The following CDKN2D variants were observed in gnomAD, a reference collection of about 807,000 sequenced individuals.
The protein encoded by CDKN2D is cyclin dependent kinase inhibitor 2D, also known as cyclin-dependent kinase 4 inhibitor D.
Under a neutral mutation model 4.7 loss-of-function variants are expected in CDKN2D, and 3 were observed. The ratio of observed to expected loss-of-function variants is 0.64; its 90% confidence interval spans 0.29 to 1.66. The LOEUF (loss-of-function observed/expected upper bound fraction) is 1.66, where lower values mean the gene tolerates loss of function less well. Among genes scored for constraint, CDKN2D ranks in the 40% most tolerant of loss-of-function variants. The pLI, the probability that CDKN2D is intolerant of heterozygous loss-of-function variation, is 0.10. For synonymous variants in CDKN2D, 91 were observed against 102.3 expected (o/e 0.89, Z 0.67); for missense variants, 196 against 230.9 (o/e 0.85, Z 0.98).
In CDKN2D at chr19:10,567,105, G is replaced by A. The variant is rs1416308054; in HGVS notation, c.454C>T (p.Gln152Ter). ...CCCTGCAGGATGTCCACGAGGTCCTGAGCCCCTCTCTGCAGTGCCAGCTCC... is the reference window on the plus strand; with the variant it reads ...CCCTGCAGGATGTCCACGAGGTCCTAAGCCCCTCTCTGCAGTGCCAGCTCC... Reference protein sequence around the residue: ...PLELALQRGAQDLVDILQGHM... With the variant: ...PLELALQRGA The change falls in exon 2 of 2, where the codon CAG becomes TAG. Residue 152 changes from glutamine to a stop codon, truncating the protein, a stop_gained. Transcript: ENST00000393599. LOFTEE classifies it high-confidence loss of function. The A allele has an allele frequency of 1.2e-6, 2 of 1,613,684 alleles. No homozygotes were observed. Among genetic ancestry groups the A allele is most frequent in the South Asian group, 2.2e-5 (2 of 91,076 alleles).
chr19:10,567,346 G>A lies in CDKN2D; in HGVS notation c.213C>T (p.Asp71=), dbSNP rs752482134. 6.2e-7 allele frequency: 1 copy of A among 1,614,166 alleles called. No individual in the cohort carries two copies. The highest frequency in any genetic ancestry group is 8.5e-7 in the Non-Finnish European group (1 of 1,180,016). The change falls in exon 2 of 2, where the codon GAC becomes GAT. Residue 71 remains aspartate (D), a synonymous_variant. Coordinates refer to ENST00000393599, the MANE Select transcript of CDKN2D (RefSeq NM_001800.4). The part of the protein sequence containing the change: ...LKQGASPNVQ[D]TSGTSPVHDA... Reference sequence around the variant, plus strand: ...CATGGACTGGACTGGTACCGGAGGTGTCCTGGACATTGGGGCTGGCACCTT... The same window carrying A: ...CATGGACTGGACTGGTACCGGAGGTATCCTGGACATTGGGGCTGGCACCTT...
intron 1 of CDKN2D, 61 bp from the exon 2 acceptor site, chr19:10,567,478 C>A: frequency 6.5e-7 from 1 of 1,543,384 alleles, no homozygotes; most frequent in Non-Finnish European, 8.7e-7. Flanking sequence ...AAAGGGGTCA[C>A]TGGAAAGAGA....
Position 10,568,544 on chromosome 19 carries a change from G to A in CDKN2D, c.110C>T (p.Ala37Val). The change falls in exon 1 of 2, where the codon GCC becomes GTC. Residue 37 changes from alanine (A) to valine (V), a missense_variant. Coordinates refer to ENST00000393599, the MANE Select transcript of CDKN2D (RefSeq NM_001800.4). Reference protein sequence around the residue: ...LLHRELVHPDALNRFGKTALQ... With the variant: ...LLHRELVHPDVLNRFGKTALQ... The stretch of plus-strand genomic sequence containing the variant: ...CGCCGTCTTGCCGAAGCGGTTGAGG[G>A]CGTCGGGATGCACCAGCTCCCGGTG... 1 of 1,484,872 alleles carries A rather than the reference G, an allele frequency of 6.7e-7. No homozygotes were observed. The highest frequency in any genetic ancestry group is 8.9e-7 in the Non-Finnish European group (1 of 1,117,470). The allele number at this position is 1,484,872 out of a possible 1,614,324, so 92.0% of individuals were successfully genotyped here. A position where few individuals can be genotyped will look rare whatever the true frequency, so the allele number is the denominator to read the frequency against.
In CDKN2D at chr19:10,567,328, T is replaced by C; in HGVS notation, c.231A>G (p.Pro77=). 6.2e-7 allele frequency: 1 copy of C among 1,614,148 alleles called. No individual in the cohort carries two copies. Among genetic ancestry groups the C allele is most frequent in the Non-Finnish European group, 8.5e-7 (1 of 1,180,014 alleles). ...ATCCAGTGCGGGCTGCGTCATGGAC[T>C]GGACTGGTACCGGAGGTGTCCTGGA... The part of the protein sequence containing the change: ...PNVQDTSGTS[P]VHDAARTGFL... The change falls in exon 2 of 2, where the codon CCA becomes CCG. Residue 77 remains proline, a synonymous_variant. Transcript: ENST00000393599.
chr19:10,566,890 A>G lies in CDKN2D; in HGVS notation c.*168T>C. On this transcript the variant is annotated 3_prime_UTR_variant, in exon 2 of 2. Transcript: ENST00000393599. ...AAGGAGTGAGAAAAACAAATGAGAA[A>G]CGTCCCCCAAACACTCACACCCCCA... The G allele has an allele frequency of 1.5e-6, 1 of 648,690 alleles. No individual in the cohort carries two copies. 40.2% of individuals were successfully genotyped at this position (648,690 alleles called of 1,614,324 possible).
rs947839617 is a variant in CDKN2D, at chr19:10,568,908, G to A, written c.-255C>T. The stretch of plus-strand genomic sequence containing the variant: ...TCGGCCGCCCGCGGGGCCCTGCCCG[G>A]CGCCCGCCCCTTGGGGGCCGGGTCT... On this transcript the variant is annotated 5_prime_UTR_variant, in exon 1 of 2. Transcript: ENST00000393599. 2 of 230,954 alleles carry A rather than the reference G, an allele frequency of 8.7e-6. No homozygotes were observed. 14.3% of individuals were successfully genotyped at this position (230,954 alleles called of 1,614,324 possible).
chr19:10,567,474 G>A lies in CDKN2D; in HGVS notation c.142-57C>T, dbSNP rs559600431. 17 of 1,550,876 alleles carry A rather than the reference G, an allele frequency of 1.1e-5. No individual in the cohort carries two copies. In the African/African-American group the frequency reaches 1.6e-4, roughly 15 times the overall value. The stretch of plus-strand genomic sequence containing the variant: ...CAAGGGAGGAGGTTCCACAAAAGGG[G>A]TCACTGGAAAGAGAAGGGTCATCCA... On this transcript the variant is annotated intron_variant, in intron 1 of 1. Transcript: ENST00000393599.
At position 10,567,422 on chromosome 19, in the gene CDKN2D, G is replaced by A; in HGVS notation, c.142-5C>T. On this transcript the variant is annotated splice_region_variant and splice_polypyrimidine_tract_variant and intron_variant, in intron 1 of 1. Transcript: ENST00000393599. ...GGTGCTGCCAAACATCATGACCTGT[G>A]TGAGGGACAGAGGATCAGGAGGTCC... The A allele has an allele frequency of 6.2e-7, 1 of 1,609,278 alleles. No individual in the cohort carries two copies. Among genetic ancestry groups the A allele is most frequent in the Non-Finnish European group, 8.5e-7 (1 of 1,176,874 alleles).
At chr19:10,568,069 C>G (rs915462688) in intron 1 of CDKN2D, among the ~76,000 whole-genome samples, 1 of 151,900 alleles carries the variant, frequency 6.6e-6, no homozygotes, top group Non-Finnish European at 1.5e-5. Context: ...GAATGAAGAC[C>G]CCACCCCCAA....
At chr19:10,568,306 T>C (rs1916956988) in intron 1 of CDKN2D, among the ~76,000 whole-genome samples, 1 of 152,036 alleles carries the variant, frequency 6.6e-6, no homozygotes, top group East Asian at 1.9e-4. Flanking sequence ...GAGAAGATGC[T>C]AAAAAGCTCT....
In CDKN2D at chr19:10,567,191, A is replaced by G. The variant is rs772753791; in HGVS notation, c.368T>C (p.Val123Ala). The change falls in exon 2 of 2, where the codon GTC (valine) becomes GCC (alanine). Residue 123 changes from valine (V) to alanine (A), a missense_variant. Val to Ala is a moderately conservative substitution (Grantham distance 64). Coordinates refer to ENST00000393599, the MANE Select transcript of CDKN2D (RefSeq NM_001800.4). ...LAVQEGHTAV[V>A]SFLAAESDLH... ...ATCAGATTCAGCTGCCAGAAAGCTG[A>G]CCACAGCAGTGTGACCCTCTTGAAC... The G allele has an allele frequency of 6.1e-5, 98 of 1,614,068 alleles. No individual in the cohort carries two copies. Among genetic ancestry groups the G allele is most frequent in the Non-Finnish European group, 8.0e-5 (94 of 1,180,026 alleles).
rs1916964299 is a variant in CDKN2D, at chr19:10,568,535, C to T, written c.119G>A (p.Arg40His). The T allele has an allele frequency of 1.4e-6, 2 of 1,461,868 alleles. No homozygotes were observed. The highest frequency in any genetic ancestry group is 2.6e-5 in the South Asian group (2 of 76,750). The allele number at this position is 1,461,868 out of a possible 1,614,324, so 90.6% of individuals were successfully genotyped here. A position where few individuals can be genotyped will look rare whatever the true frequency, so the allele number is the denominator to read the frequency against. ...CACCTGCAGCGCCGTCTTGCCGAAG[C>T]GGTTGAGGGCGTCGGGATGCACCAG... ...RELVHPDALN[R>H]FGKTALQVMM... Residue 40 changes from arginine to histidine, a missense_variant, in exon 1 of 2, where the codon CGC becomes CAC. Arg to His is a conservative substitution (Grantham distance 29). Coordinates refer to ENST00000393599, the MANE Select transcript of CDKN2D (RefSeq NM_001800.4).
Position 10,566,958 on chromosome 19 carries a change from G to T in CDKN2D, c.*100C>A. The T allele has an allele frequency of 2.4e-6, 3 of 1,261,460 alleles. No individual in the cohort carries two copies. The highest frequency in any genetic ancestry group is 3.3e-6 in the Non-Finnish European group (3 of 915,860). 78.1% of individuals were successfully genotyped at this position (1,261,460 alleles called of 1,614,324 possible). ...CCACAAACTGTGCTCCTCCCCTACT[G>T]CAGCAGTGGGCAGGAGAAACAAGAA... On this transcript the variant is annotated 3_prime_UTR_variant, in exon 2 of 2. Coordinates refer to ENST00000393599, the MANE Select transcript of CDKN2D (RefSeq NM_001800.4).
Position 10,568,907 on chromosome 19 carries a change from G to A in CDKN2D, c.-254C>T. 1 of 231,576 alleles carries A rather than the reference G, an allele frequency of 4.3e-6. No individual in the cohort carries two copies. Among genetic ancestry groups the A allele is most frequent in the Non-Finnish European group, 8.4e-6 (1 of 118,902 alleles). The allele number at this position is 231,576 out of a possible 1,614,324, so 14.3% of individuals were successfully genotyped here. ...CTCGGCCGCCCGCGGGGCCCTGCCC[G>A]GCGCCCGCCCCTTGGGGGCCGGGTC... On this transcript the variant is annotated 5_prime_UTR_variant, in exon 1 of 2. Coordinates refer to ENST00000393599, the MANE Select transcript of CDKN2D (RefSeq NM_001800.4).
rs764491064 is a variant in CDKN2D, at chr19:10,567,240, C to G, written c.319G>C (p.Gly107Arg). The change falls in exon 2 of 2, where the codon GGG becomes CGG. Residue 107 changes from glycine to arginine, a missense_variant. Gly to Arg is a moderately radical substitution (Grantham distance 125, BLOSUM62 -2). Transcript: ENST00000393599. ...ACTGCCAGATGGATTGGAAGTGCCC[C>G]GGTGCCATCAGGCACGTTGACATCA... ...GADVNVPDGT[G>R]ALPIHLAVQE... 1 of 1,614,032 alleles carries G rather than the reference C, an allele frequency of 6.2e-7. No individual in the cohort carries two copies. Among genetic ancestry groups the G allele is most frequent in the Admixed American group, 1.7e-5 (1 of 59,996 alleles).
intron 1 of CDKN2D, among the ~76,000 whole-genome samples, chr19:10,568,135 G>T (rs1242579274): frequency 1.3e-5 from 2 of 151,956 alleles, no homozygotes; most frequent in African/African-American, 2.4e-5. Context: ...CTAGAGACAG[G>T]ACCTCTCCTT....
rs987668277 is a variant in CDKN2D at position 10,568,806 on chromosome 19, G to A, written c.-153C>T. ...CTCTCCCGTCCCGGCTCCCCAGCCC[G>A]AGACCCCGGCCCTCCCGGCGGGCTC... is the stretch of plus-strand genomic sequence containing the variant. On this transcript the variant is annotated 5_prime_UTR_variant, in exon 1 of 2. Transcript: ENST00000393599. 1.9e-5 allele frequency: 8 copies of A among 427,996 alleles called. No homozygotes were observed. The highest frequency in any genetic ancestry group is 4.8e-5 in the Admixed American group (1 of 20,854). The allele number at this position is 427,996 out of a possible 1,614,324, so 26.5% of individuals were successfully genotyped here. A position where few individuals can be genotyped will look rare whatever the true frequency, so the allele number is the denominator to read the frequency against.
In CDKN2D at chr19:10,568,882, C is replaced by A; in HGVS notation, c.-229G>T. ...GAGGGGCTGGGAGCCGGGCCCAACC[C>A]TCGGCCGCCCGCGGGGCCCTGCCCG... On this transcript the variant is annotated 5_prime_UTR_variant, in exon 1 of 2. In the 5' UTR this introduces an upstream ATG that the reference lacks. Coordinates refer to ENST00000393599, the MANE Select transcript of CDKN2D (RefSeq NM_001800.4). 1 of 264,248 alleles carries A rather than the reference C, an allele frequency of 3.8e-6. No individual in the cohort carries two copies. Among genetic ancestry groups the A allele is most frequent in the East Asian group, 6.2e-5 (1 of 16,128 alleles). The allele number at this position is 264,248 out of a possible 1,614,324, so 16.4% of individuals were successfully genotyped here. A position where few individuals can be genotyped will look rare whatever the true frequency, so the allele number is the denominator to read the frequency against.
Position 10,567,039 on chromosome 19 carries a change from T to C in CDKN2D, c.*19A>G. On this transcript the variant is annotated 3_prime_UTR_variant, in exon 2 of 2. Transcript: ENST00000393599. ...ACATAACCCCACGGGGTTCTCTTGC[T>C]GGAGAGGGTGACCCCAGATCACAGC... is the stretch of plus-strand genomic sequence containing the variant. 4 of 1,576,300 alleles carry C rather than the reference T, an allele frequency of 2.5e-6. No individual in the cohort carries two copies. The highest frequency in any genetic ancestry group is 3.4e-6 in the Non-Finnish European group (4 of 1,165,254).
Sources: gnomAD v4.1 joint callset for allele counts (sites outside exome capture counted in the v4.1 genomes callset) on GRCh38, gnomAD v4.1.1 for gene constraint, MANE v1.5 for transcripts, NCBI Gene and HGNC (gene_info 2026-07-23, HGNC 2026-07-21) for gene names.